The following OPA1 variants were observed in gnomAD, a reference collection of about 807,000 sequenced individuals.
OPA1 encodes OPA1 mitochondrial dynamin like GTPase, also known as dynamin-like GTPase OPA1, mitochondrial.
A neutral mutation model predicts 152.9 loss-of-function variants in OPA1; 59 were observed. That is an observed-to-expected ratio of 0.39 (90% CI 0.31 to 0.48). The LOEUF is 0.48. Ranked by LOEUF, OPA1 falls within the 20% of genes least tolerant of loss-of-function variation. The probability of loss-of-function intolerance (pLI) is 0.96; values close to 1 mark genes in which losing one functional copy is unlikely to be tolerated. For synonymous variants in OPA1, 400 were observed against 389.9 expected, an observed-to-expected ratio of 1.03 and a Z score of -0.31; for missense variants, 1,008 against 1,216.8, an observed-to-expected ratio of 0.83 and a Z score of 2.55.
chr3:193,631,539 CA>C, intron 7 of OPA1, 72 bp from the exon 8 acceptor site: 3 of 1,106,136 alleles, frequency 2.7e-6, no homozygotes, highest in Non-Finnish European at 4.1e-6. Flanking sequence ...CAATACTTAT[CA>C]AAAAAATTTA....
intron 8 of OPA1, 102 bp from the exon 9 acceptor site, chr3:193,635,316 A>G: frequency 1.5e-6 from 1 of 689,434 alleles, no homozygotes; most frequent in South Asian, 1.7e-5. Context: ...CATTTTAAAT[A>G]GGAGATATGA....
At chr3:193,688,656 G>A (rs1009676620) in intron 29 of OPA1, among the ~76,000 whole-genome samples, 19 of 151,614 alleles carry the variant, frequency 1.3e-4, no homozygotes, top group East Asian at 7.7e-4. Context: ...CATTTGCTTC[G>A]TCACTATGAG....
chr3:193,608,755 C>T (rs934217714), intron 1 of OPA1, among the ~76,000 whole-genome samples: 13 of 151,782 alleles, frequency 8.6e-5, no homozygotes, highest in Admixed American at 7.9e-4. Context: ...TCCTGGATAT[C>T]CTTGTTAACT....
intron 1 of OPA1, among the ~76,000 whole-genome samples, chr3:193,606,263 TA>T (rs869031943): frequency 2.6e-5 from 4 of 152,144 alleles, no homozygotes; most frequent in Admixed American, 6.5e-5. Flanking sequence ...AAGTGTGACT[TA>T]AAAAAATTTT....
chr3:193,618,968 A>C, intron 6 of OPA1, 32 bp downstream of exon 6: 1 of 1,537,760 alleles, frequency 6.5e-7, no homozygotes, highest in Non-Finnish European at 9.0e-7. Context: ...TCATGTAGGT[A>C]GTCTTGAAAG....
Position 193,695,033 on chromosome 3 carries a change from T to C in OPA1, c.*433T>C, listed in dbSNP as rs1722133462. 6.6e-6 allele frequency: 1 copy of C among 152,258 alleles called. No homozygotes were observed. The highest frequency in any genetic ancestry group is 2.1e-4 in the South Asian group (1 of 4,834). 9.4% of individuals were successfully genotyped at this position (152,258 alleles called of 1,614,324 possible). On this transcript the variant is annotated 3_prime_UTR_variant, in exon 31 of 31. Transcript: ENST00000361510. ...CAATTGTTTAAAGTTATCAATTGTA[T>C]ATAAAATCACAGTAGCCTGCTAAAT...
At chr3:193,671,312 A>G (rs146815152) in intron 29 of OPA1, among the ~76,000 whole-genome samples, 83 of 152,326 alleles carry the variant, frequency 5.4e-4, no homozygotes, top group African/African-American at 1.9e-3. Flanking sequence ...CTTCTTACCA[A>G]AGATGTAGAA....
intron 1 of OPA1, among the ~76,000 whole-genome samples, chr3:193,606,737 G>A (rs1727346033): frequency 6.6e-6 from 1 of 152,190 alleles, no homozygotes; most frequent in Non-Finnish European, 1.5e-5. Context: ...ACGTGTGCAT[G>A]TGTCTTTATA....
At position 193,688,449 on chromosome 3, in the gene OPA1, C is replaced by CTTTTTT. The variant is rs766448341; in HGVS notation, c.2984-3572_2984-3567dup. The stretch of plus-strand genomic sequence containing the variant: ...TGATTTTTACTGAAATGGGTCTTTT[C>CTTTTTT]TTTTTTTTTTTTTTTTTTTTTTTTT... On this transcript the variant is annotated intron_variant, in intron 29 of 30. Coordinates refer to ENST00000361510, the MANE Select transcript of OPA1 (RefSeq NM_130837.3). Among the ~76,000 whole-genome samples, 6 of 63,360 alleles carry CTTTTTT rather than the reference C, an allele frequency of 9.5e-5. 1 individual carries two copies. The highest frequency in any genetic ancestry group is 1.6e-4 in the Non-Finnish European group (5 of 30,308). 41.6% of individuals were successfully genotyped at this position (63,360 alleles called of 152,430 possible). A position where few individuals can be genotyped will look rare whatever the true frequency, so the allele number is the denominator to read the frequency against.
intron 26 of OPA1, among the ~76,000 whole-genome samples, chr3:193,663,652 T>A (rs2109240408): frequency 6.6e-6 from 1 of 152,216 alleles, no homozygotes; most frequent in Middle Eastern, 3.4e-3. Flanking sequence ...ATAAGTCTAG[T>A]GGGGAAAGCA....
At chr3:193,684,565 C>T (rs1284196070) in intron 29 of OPA1, among the ~76,000 whole-genome samples, 2 of 151,528 alleles carry the variant, frequency 1.3e-5, no homozygotes, top group African/African-American at 2.4e-5. Context: ...ATTCTCCTGC[C>T]TCAGCCTCCC....
intron 29 of OPA1, 118 bp downstream of exon 29, chr3:193,667,398 CG>C: frequency 1.4e-6 from 1 of 721,392 alleles, no homozygotes; most frequent in Non-Finnish European, 2.6e-6. Context: ...GGGCTGAGCA[CG>C]GTGGCTCACG....
rs555735827 is a variant in OPA1, at chr3:193,695,881, G to A, written c.*1281G>A. 10 of 152,276 alleles carry A rather than the reference G, an allele frequency of 6.6e-5. No individual in the cohort carries two copies. The highest frequency in any genetic ancestry group is 2.0e-4 in the Admixed American group (3 of 15,292). 9.4% of individuals were successfully genotyped at this position (152,276 alleles called of 1,614,324 possible). A position where few individuals can be genotyped will look rare whatever the true frequency, so the allele number is the denominator to read the frequency against. Reference sequence around the variant, plus strand: ...TGCATGCTTCGTTGTGATCCCTCAAGATGTAACACTTGGTATGCTCGGTTG... The same window carrying A: ...TGCATGCTTCGTTGTGATCCCTCAAAATGTAACACTTGGTATGCTCGGTTG... On this transcript the variant is annotated 3_prime_UTR_variant, in exon 31 of 31. Coordinates refer to ENST00000361510, the MANE Select transcript of OPA1 (RefSeq NM_130837.3).
chr3:193,680,291 T>C (rs1411978086), intron 29 of OPA1, among the ~76,000 whole-genome samples: 1 of 152,234 alleles, frequency 6.6e-6, no homozygotes, highest in East Asian at 1.9e-4. Flanking sequence ...GCCTCCTTTT[T>C]AAAGCTTCAG....
At chr3:193,675,300 G>C (rs1317278989) in intron 29 of OPA1, among the ~76,000 whole-genome samples, 1 of 144,652 alleles carries the variant, frequency 6.9e-6, no homozygotes, top group East Asian at 2.0e-4. Flanking sequence ...TAGGTATGTA[G>C]GTTCAGAGGA....
intron 23 of OPA1, among the ~76,000 whole-genome samples, chr3:193,658,562 A>G (rs1396615501): frequency 1.3e-5 from 2 of 152,176 alleles, no homozygotes; most frequent in African/African-American, 4.8e-5. Flanking sequence ...CCTGAATTTT[A>G]GGTTTCTAGA....
chr3:193,631,505 AT>A (rs1281327366), intron 7 of OPA1, 106 bp from the exon 8 acceptor site: 1 of 739,646 alleles, frequency 1.4e-6, no homozygotes, highest in Non-Finnish European at 2.3e-6. Flanking sequence ...AAATATGCAT[AT>A]AAAGTCAGTT....
At chr3:193,671,759 A>T (rs1717974001) in intron 29 of OPA1, among the ~76,000 whole-genome samples, 1 of 152,226 alleles carries the variant, frequency 6.6e-6, no homozygotes, top group Non-Finnish European at 1.5e-5. Flanking sequence ...TATGCATAAA[A>T]GGTTAAAAAA....
chr3:193,649,035 TA>T (rs1711750249), intron 21 of OPA1, among the ~76,000 whole-genome samples, 164 bp downstream of exon 21: 1 of 152,200 alleles, frequency 6.6e-6, no homozygotes, highest in Admixed American at 6.5e-5. Context: ...TTTTGTAGTC[TA>T]ACCAGTTGAA....
Sources: gnomAD v4.1 joint callset for allele counts (sites outside exome capture counted in the v4.1 genomes callset) on GRCh38, gnomAD v4.1.1 for gene constraint, MANE v1.5 for transcripts, NCBI Gene and HGNC (gene_info 2026-07-23, HGNC 2026-07-21) for gene names.